Variants in CLUL1 observed in about 807,000 individuals in gnomAD.
CLUL1 encodes the protein clusterin-like protein 1.
In CLUL1, 43 loss-of-function variants were observed where a neutral mutation model predicts 49.4. The observed-to-expected ratio is 0.87, with a 90% CI of 0.68 to 1.12. The LOEUF is 1.12. Ranked by LOEUF, CLUL1 falls within the 50% of genes most tolerant of loss-of-function variation. The pLI, the probability that CLUL1 is intolerant of heterozygous loss-of-function variation, is 0.00. For synonymous variants in CLUL1, 192 were observed against 184.9 expected (o/e 1.04, Z -0.31); for missense variants, 486 against 544.4 (o/e 0.89, Z 1.07).
At chr18:609,734 G>T (rs2073078126) in intron 2 of CLUL1, among the ~76,000 whole-genome samples, 2 of 150,050 alleles carry the variant, frequency 1.3e-5, no homozygotes, top group South Asian at 4.2e-4. Flanking sequence ...CGAGGCAGGA[G>T]AATCTCTTGA....
In CLUL1 at chr18:625,029, T is replaced by C. The variant is rs2073638482; in HGVS notation, c.420T>C (p.Asn140=). The change falls in exon 5 of 10, where the codon AAT becomes AAC. Residue 140 remains asparagine (N), a synonymous_variant. Coordinates refer to ENST00000692774, the MANE Select transcript of CLUL1 (RefSeq NM_001393344.1). ...TCQPSWSSVK[N]KIERFFRKIY... is the part of the protein sequence containing the mutation. ...AACCTAGCTGGTCCTCTGTGAAAAATAAGGTAAGAGAAAAAGAGAGCTCAA... is the reference window on the plus strand; with the variant it reads ...AACCTAGCTGGTCCTCTGTGAAAAACAAGGTAAGAGAAAAAGAGAGCTCAA... 1 of 1,613,868 alleles carries C rather than the reference T, an allele frequency of 6.2e-7. No individual in the cohort carries two copies. The highest frequency in any genetic ancestry group is 1.3e-5 in the African/African-American group (1 of 75,020).
At chr18:617,501 A>G (rs2073327397) in intron 2 of CLUL1, among the ~76,000 whole-genome samples, 1 of 149,456 alleles carries the variant, frequency 6.7e-6, no homozygotes, top group South Asian at 2.1e-4. Flanking sequence ...AGGCTGAGGC[A>G]GGAGAATCAC....
intron 9 of CLUL1, 130 bp downstream of exon 9, chr18:645,227 C>A: frequency 1.6e-6 from 1 of 615,600 alleles, no homozygotes; most frequent in Middle Eastern, 3.3e-4. Flanking sequence ...TGAAAACAAA[C>A]AAGATGGCAT....
At chr18:646,756 CT>C (rs564838623) in intron 9 of CLUL1, among the ~76,000 whole-genome samples, 71 of 143,832 alleles carry the variant, frequency 4.9e-4, no homozygotes, top group Admixed American at 5.6e-4. Flanking sequence ...TTCTTTCTTT[CT>C]TTTTTTTTTT....
chr18:611,921 C>G (rs115345956), intron 2 of CLUL1, among the ~76,000 whole-genome samples: 2,764 of 152,192 alleles, frequency 0.018, 93 homozygotes, highest in African/African-American at 0.062. Context: ...TACACTCTGC[C>G]CCGGCCTTTC....
intron 9 of CLUL1, among the ~76,000 whole-genome samples, chr18:648,802 G>T (rs1459507740): frequency 6.6e-6 from 1 of 151,996 alleles, no homozygotes; most frequent in African/African-American, 2.4e-5. Context: ...GATTACAGGT[G>T]TGCACCACCA....
intron 1 of CLUL1, among the ~76,000 whole-genome samples, chr18:599,232 T>C (rs576176965): frequency 6.6e-6 from 1 of 152,336 alleles, no homozygotes; most frequent in East Asian, 1.9e-4. Context: ...TTAAGGTAAT[T>C]ATGTGATGTT....
intron 9 of CLUL1, among the ~76,000 whole-genome samples, chr18:648,344 C>A (rs140036904): frequency 6.6e-6 from 1 of 152,136 alleles, no homozygotes; most frequent in South Asian, 2.1e-4. Flanking sequence ...ACAAGGCACA[C>A]GAAGTGATTT....
intron 9 of CLUL1, among the ~76,000 whole-genome samples, chr18:645,561 T>C (rs12456589): frequency 0.6 from 90,190 of 151,010 alleles, 28,437 homozygotes; most frequent in African/African-American, 0.8. Context: ...TTTGGGAGGC[T>C]GAGGCGGGCG....
intron 8 of CLUL1, among the ~76,000 whole-genome samples, chr18:642,536 T>C (rs1180454944): frequency 6.6e-6 from 1 of 152,232 alleles, no homozygotes; most frequent in Non-Finnish European, 1.5e-5. Context: ...TGACTTTTCT[T>C]CCTAAGACAT....
chr18:641,215 C>T (rs2074334731), intron 7 of CLUL1, 112 bp from the exon 8 acceptor site: 5 of 805,760 alleles, frequency 6.2e-6, no homozygotes, highest in Non-Finnish European at 8.0e-6. Context: ...TAAAAACTAC[C>T]ACAGGCAAAA....
At chr18:648,895 T>C (rs1488556567) in intron 9 of CLUL1, among the ~76,000 whole-genome samples, 1 of 152,154 alleles carries the variant, frequency 6.6e-6, no homozygotes, top group African/African-American at 2.4e-5. Flanking sequence ...TGGCCTCAAG[T>C]GATCCTTCCA....
chr18:625,555 A>C (rs1432034720), intron 5 of CLUL1, among the ~76,000 whole-genome samples: 2 of 110,788 alleles, frequency 1.8e-5, no homozygotes, highest in Non-Finnish European at 4.2e-5. Flanking sequence ...ACACACACAC[A>C]CACACCCCTT....
At chr18:635,809 T>C (rs1175762903) in intron 7 of CLUL1, among the ~76,000 whole-genome samples, 1 of 152,164 alleles carries the variant, frequency 6.6e-6, no homozygotes, top group Non-Finnish European at 1.5e-5. Flanking sequence ...CGATCTTCGC[T>C]CACTGAAACC....
chr18:648,527 G>C (rs529140050), intron 9 of CLUL1, among the ~76,000 whole-genome samples: 1 of 151,904 alleles, frequency 6.6e-6, no homozygotes, highest in Non-Finnish European at 1.5e-5. Flanking sequence ...TATTTTCTTA[G>C]ATTCCAAGAA....
chr18:600,339 C>G (rs2072790595), intron 1 of CLUL1, among the ~76,000 whole-genome samples: 1 of 152,160 alleles, frequency 6.6e-6, no homozygotes, highest in African/African-American at 2.4e-5. Context: ...AAGACCAGGA[C>G]ATTTATTGCA....
chr18:610,703 C>T (rs1297394460), intron 2 of CLUL1, among the ~76,000 whole-genome samples: 1 of 152,080 alleles, frequency 6.6e-6, no homozygotes, highest in Non-Finnish European at 1.5e-5. Context: ...CAGAGCCTGA[C>T]ACATAGTACG....
At chr18:645,262 T>A in intron 9 of CLUL1, 165 bp downstream of exon 9, 1 of 492,756 alleles carries the variant, frequency 2.0e-6, no homozygotes, top group Non-Finnish European at 3.4e-6. Context: ...ATTTGCAAAT[T>A]AAAAAAAAAC....
intron 4 of CLUL1, among the ~76,000 whole-genome samples, chr18:624,631 T>G (rs505140): frequency 0.42 from 64,583 of 152,004 alleles, 15,012 homozygotes; most frequent in South Asian, 0.62. Flanking sequence ...TAAATACTTA[T>G]TGAACAAATG....
Sources: gnomAD v4.1 joint callset for allele counts (sites outside exome capture counted in the v4.1 genomes callset) on GRCh38, gnomAD v4.1.1 for gene constraint, MANE v1.5 for transcripts, NCBI Gene and HGNC (gene_info 2026-07-23, HGNC 2026-07-21) for gene names.